Variants in SULT6B1 observed in about 807,000 individuals in gnomAD.
SULT6B1 encodes the protein sulfotransferase family 6B member 1, also known as sulfotransferase 6B1.
SULT6B1 carries 44 observed loss-of-function variants against 37.2 expected under a neutral mutation model. The observed-to-expected ratio is 1.18, with a 90% confidence interval of 0.93 to 1.52. The LOEUF (loss-of-function observed/expected upper bound fraction) is 1.52, where lower values mean the gene tolerates loss of function less well. SULT6B1 is among the 40% of genes most tolerant of loss of function. The pLI is 0.00. For synonymous variants in SULT6B1, 140 were observed against 126.0 expected, an observed-to-expected ratio of 1.11 and a Z score of -0.74; for missense variants, 450 against 361.0, an observed-to-expected ratio of 1.25 and a Z score of -2.00.
At chr2:37,178,632 C>T (rs534806667) in intron 4 of SULT6B1, among the ~76,000 whole-genome samples, 10 of 152,230 alleles carry the variant, frequency 6.6e-5, no homozygotes, top group South Asian at 2.1e-4. Context: ...AATGCATAGA[C>T]GACCCCTACT....
chr2:37,184,828 T>C (rs1490280309), intron 2 of SULT6B1, among the ~76,000 whole-genome samples: 1 of 150,654 alleles, frequency 6.6e-6, no homozygotes, highest in Non-Finnish European at 1.5e-5. Flanking sequence ...TGAGACTCCA[T>C]TTAAAAAAAA....
chr2:37,193,697 A>G (rs1676835109), intron 1 of SULT6B1, among the ~76,000 whole-genome samples: 1 of 150,344 alleles, frequency 6.7e-6, no homozygotes. Flanking sequence ...ATGAAAAGAA[A>G]TGTCTAGGCT....
At chr2:37,178,903 C>T (rs1373545423) in intron 4 of SULT6B1, among the ~76,000 whole-genome samples, 1 of 152,166 alleles carries the variant, frequency 6.6e-6, no homozygotes, top group Non-Finnish European at 1.5e-5. Flanking sequence ...CATGTCTTTT[C>T]TATGGCCACT....
chr2:37,177,214 A>G (rs1276399519), intron 4 of SULT6B1, among the ~76,000 whole-genome samples: 1 of 152,048 alleles, frequency 6.6e-6, no homozygotes, highest in African/African-American at 2.4e-5. Context: ...GCTAGACACA[A>G]AAAGAAAAAT....
chr2:37,193,086 T>C (rs1676814483), upstream of SULT6B1, among the ~76,000 whole-genome samples: 1 of 152,162 alleles, frequency 6.6e-6, no homozygotes, highest in Non-Finnish European at 1.5e-5. Flanking sequence ...GGAGATAAAT[T>C]ACCGCAGACC....
chr2:37,172,692 G>C (rs1393547044), intron 5 of SULT6B1, among the ~76,000 whole-genome samples: 4 of 151,948 alleles, frequency 2.6e-5, no homozygotes, highest in Non-Finnish European at 5.9e-5. Flanking sequence ...ATTTTTAGTA[G>C]AAACAGGGTT....
At chr2:37,168,996 A>G (rs921307591) in intron 6 of SULT6B1, among the ~76,000 whole-genome samples, 1 of 152,236 alleles carries the variant, frequency 6.6e-6, no homozygotes, top group African/African-American at 2.4e-5. Context: ...ATAAAACGTC[A>G]CAGAATAAGG....
upstream of SULT6B1, among the ~76,000 whole-genome samples, chr2:37,192,766 A>C (rs1676808743): frequency 6.6e-6 from 1 of 152,212 alleles, no homozygotes; most frequent in African/African-American, 2.4e-5. Flanking sequence ...TTAAAAAGAC[A>C]ATGGGTTGGA....
intron 5 of SULT6B1, among the ~76,000 whole-genome samples, chr2:37,174,605 C>T (rs1676374433): frequency 6.6e-6 from 1 of 152,078 alleles, no homozygotes; most frequent in Non-Finnish European, 1.5e-5. Flanking sequence ...TTCTCACATA[C>T]TATATACATT....
At chr2:37,189,235 A>G (rs1676736218), upstream of SULT6B1, among the ~76,000 whole-genome samples, 1 of 152,224 alleles carries the variant, frequency 6.6e-6, no homozygotes, top group South Asian at 2.1e-4. Flanking sequence ...ATATATCTCT[A>G]AAAGTTTATG....
chr2:37,190,698 A>G (rs1271470703), upstream of SULT6B1, among the ~76,000 whole-genome samples: 2 of 152,190 alleles, frequency 1.3e-5, no homozygotes, highest in African/African-American at 4.8e-5. Context: ...AAATTTTAAA[A>G]TTGACCATAG....
upstream of SULT6B1, among the ~76,000 whole-genome samples, chr2:37,190,197 G>A (rs1488262325): frequency 6.6e-6 from 1 of 152,078 alleles, no homozygotes; most frequent in Admixed American, 6.5e-5. Context: ...TTACTCTTTG[G>A]CCTCTTGATA....
chr2:37,168,113 C>G (rs1676219121), intron 6 of SULT6B1, 48 bp from the exon 7 acceptor site: 2 of 1,504,378 alleles, frequency 1.3e-6, no homozygotes, highest in African/African-American at 1.4e-5. Context: ...TAGAATATTT[C>G]TTCATGATTT....
At chr2:37,179,850 A>C in intron 3 of SULT6B1, among the ~76,000 whole-genome samples, 1 of 152,232 alleles carries the variant, frequency 6.6e-6, no homozygotes. Flanking sequence ...GAAGATGTAA[A>C]AAGGAAAAAA....
At position 37,177,939 on chromosome 2, in the gene SULT6B1, C is replaced by A. The variant is rs1676466375; in HGVS notation, c.529+1519G>T. Among the ~76,000 whole-genome samples the A allele has an allele frequency of 2.0e-5, 3 of 152,296 alleles. No individual in the cohort carries two copies. In the South Asian group the frequency reaches 6.2e-4, roughly 32 times the overall value. On this transcript the variant is annotated intron_variant, in intron 4 of 6. Transcript: ENST00000535679. Reference sequence around the variant, plus strand: ...GGGCTTTAATATCCCATCTATTACACCGTACAGACTCAAAAGAGCCACTAA... The same window carrying A: ...GGGCTTTAATATCCCATCTATTACAACGTACAGACTCAAAAGAGCCACTAA...
chr2:37,188,652 G>T lies in SULT6B1; in HGVS notation c.-12C>A. On this transcript the variant is annotated 5_prime_UTR_variant, in exon 1 of 7. Coordinates refer to ENST00000535679, the MANE Select transcript of SULT6B1 (RefSeq NM_001367551.1). ...GATTTATCAGCCATGGTGGCTCCCT[G>T]TAAAAGAACCTGCTCTGTGGCTGTT... The T allele has an allele frequency of 3.0e-6, 3 of 1,001,796 alleles. No homozygotes were observed. Among genetic ancestry groups the T allele is most frequent in the Non-Finnish European group, 4.6e-6 (3 of 646,452 alleles). The allele number at this position is 1,001,796 out of a possible 1,614,324, so 62.1% of individuals were successfully genotyped here.
At chr2:37,192,066 G>A (rs1676791017), upstream of SULT6B1, among the ~76,000 whole-genome samples, 1 of 152,248 alleles carries the variant, frequency 6.6e-6, no homozygotes, top group Admixed American at 6.5e-5. Context: ...CAGCTGGTTG[G>A]GCTGGGTGCC....
At chr2:37,169,214 T>C (rs1676243872) in intron 6 of SULT6B1, among the ~76,000 whole-genome samples, 1 of 152,158 alleles carries the variant, frequency 6.6e-6, no homozygotes, top group Non-Finnish European at 1.5e-5. Flanking sequence ...ATTTCCTACC[T>C]CCTGAAAGCT....
chr2:37,179,597 A>G lies in SULT6B1; in HGVS notation c.403-13T>C. 1.2e-6 allele frequency: 2 copies of G among 1,606,288 alleles called. No homozygotes were observed. Among genetic ancestry groups the G allele is most frequent in the East Asian group, 2.2e-5 (1 of 44,716 alleles). On this transcript the variant is annotated splice_polypyrimidine_tract_variant and intron_variant, in intron 3 of 6. Coordinates refer to ENST00000535679, the MANE Select transcript of SULT6B1 (RefSeq NM_001367551.1). ...ATATCACCAATATCTAGGGAGCAAA[A>G]ATTGAGTTAATTTATTTGGGTCTAT...
Sources: gnomAD v4.1 joint callset for allele counts (sites outside exome capture counted in the v4.1 genomes callset) on GRCh38, gnomAD v4.1.1 for gene constraint, MANE v1.5 for transcripts, NCBI Gene and HGNC (gene_info 2026-07-23, HGNC 2026-07-21) for gene names.